The following CACNG3 variants were observed in gnomAD, a reference collection of about 807,000 sequenced individuals.
The protein encoded by CACNG3 is voltage-dependent calcium channel gamma-3 subunit.
A neutral mutation model predicts 28.5 loss-of-function variants in CACNG3; 3 were observed. The ratio of observed to expected loss-of-function variants is 0.11; its 90% CI spans 0.05 to 0.27. The LOEUF is 0.27. Ranked by LOEUF, CACNG3 falls within the 10% of genes least tolerant of loss-of-function variation. The probability of loss-of-function intolerance (pLI) is 1.00; values close to 1 mark genes in which losing one functional copy is unlikely to be tolerated. For missense variants in CACNG3, 236 were observed against 414.4 expected, an observed-to-expected ratio of 0.57 and a Z score of 3.74; for synonymous variants, 174 against 162.2, an observed-to-expected ratio of 1.07 and a Z score of -0.55.
intron 1 of CACNG3, among the ~76,000 whole-genome samples, chr16:24,286,809 A>G (rs1341946331): frequency 6.6e-6 from 1 of 152,200 alleles, no homozygotes; most frequent in East Asian, 1.9e-4. Flanking sequence ...ATTTGATTCC[A>G]GTTCTGCCTG....
intron 1 of CACNG3, among the ~76,000 whole-genome samples, chr16:24,289,155 C>G (rs1393481784): frequency 1.3e-5 from 2 of 152,072 alleles, no homozygotes; most frequent in African/African-American, 4.8e-5. Flanking sequence ...CCCAAACGAC[C>G]CAGGGCTCTG....
chr16:24,288,996 A>T (rs1349647881), intron 1 of CACNG3, among the ~76,000 whole-genome samples: 1 of 152,134 alleles, frequency 6.6e-6, no homozygotes, highest in Non-Finnish European at 1.5e-5. Context: ...CAGTTACCCA[A>T]CTGGAAGCTT....
intron 1 of CACNG3, among the ~76,000 whole-genome samples, chr16:24,334,535 T>C (rs1899675077): frequency 6.6e-6 from 1 of 152,214 alleles, no homozygotes; most frequent in South Asian, 2.1e-4. Context: ...GCTCTACTGA[T>C]ATCCTCTCCT....
At chr16:24,301,101 C>T (rs1445118462) in intron 1 of CACNG3, among the ~76,000 whole-genome samples, 1 of 149,344 alleles carries the variant, frequency 6.7e-6, no homozygotes, top group Non-Finnish European at 1.5e-5. Flanking sequence ...ATCCCAGCTA[C>T]TCGAGAGGCT....
chr16:24,286,459 A>T (rs1290595826), intron 1 of CACNG3, among the ~76,000 whole-genome samples: 5 of 151,746 alleles, frequency 3.3e-5, no homozygotes, highest in South Asian at 2.1e-4. Context: ...ATATATATAT[A>T]TTCAAAGATT....
chr16:24,264,424 C>T (rs973554595), intron 1 of CACNG3, among the ~76,000 whole-genome samples: 3 of 152,140 alleles, frequency 2.0e-5, no homozygotes, highest in African/African-American at 7.2e-5. Flanking sequence ...AAAGACTAGA[C>T]CAGAGTCAGA....
chr16:24,317,638 GAAAGAAAAGA>G lies in CACNG3; in HGVS notation c.212-29088_212-29079del, dbSNP rs762884216. ...AGAAAGAAAGAAAGACAGACAGAAAGAAAGAAAAGAAAAGAAAGAAAGAAAGAAAGAAAGA... is the reference window on the plus strand; with the variant it reads ...AGAAAGAAAGAAAGACAGACAGAAAGAAAGAAAGAAAGAAAGAAAGAAAGA... On this transcript the variant is annotated intron_variant, in intron 1 of 3. Coordinates refer to ENST00000005284, the MANE Select transcript of CACNG3 (RefSeq NM_006539.4). Among the ~76,000 whole-genome samples the G allele has an allele frequency of 1.4e-3, 72 of 51,976 alleles. 2 individuals are homozygous for G. Among genetic ancestry groups the G allele is most frequent in the African/African-American group, 3.3e-3 (37 of 11,132 alleles). The allele number at this position is 51,976 out of a possible 152,430, so 34.1% of individuals were successfully genotyped here. A position where few individuals can be genotyped will look rare whatever the true frequency, so the allele number is the denominator to read the frequency against.
At chr16:24,328,021 T>C (rs1899581173) in intron 1 of CACNG3, among the ~76,000 whole-genome samples, 1 of 152,190 alleles carries the variant, frequency 6.6e-6, no homozygotes, top group South Asian at 2.1e-4. Flanking sequence ...CACTTGTTTA[T>C]TTAACAACCT....
intron 1 of CACNG3, among the ~76,000 whole-genome samples, chr16:24,269,746 C>CAAAAAAAAAAA (rs1163565728): frequency 1.4e-5 from 1 of 71,080 alleles, no homozygotes; most frequent in Non-Finnish European, 2.9e-5. Flanking sequence ...GACTCCATCT[C>CAAAAAAAAAAA]AAAAAAAAAA....
At chr16:24,357,319 T>A (rs1395850646) in intron 3 of CACNG3, among the ~76,000 whole-genome samples, 2 of 151,632 alleles carry the variant, frequency 1.3e-5, no homozygotes, top group African/African-American at 4.8e-5. Flanking sequence ...CCTGTCTTGA[T>A]TCAATTATCT....
intron 1 of CACNG3, among the ~76,000 whole-genome samples, chr16:24,280,006 G>T (rs1020863239): frequency 4.6e-5 from 7 of 152,088 alleles, no homozygotes; most frequent in Non-Finnish European, 1.0e-4. Flanking sequence ...ATGCTTTTTT[G>T]ATCAGGAAAC....
intron 1 of CACNG3, among the ~76,000 whole-genome samples, chr16:24,299,024 G>T (rs1232886642): frequency 2.6e-5 from 4 of 152,100 alleles, no homozygotes; most frequent in Admixed American, 2.0e-4. Context: ...TGTTTGCCAG[G>T]TCTCGCCCCT....
Position 24,256,505 on chromosome 16 carries a change from G to C in CACNG3, c.-250G>C, listed in dbSNP as rs1898461882. 2.0e-6 allele frequency: 1 copy of C among 497,750 alleles called. No individual in the cohort carries two copies. The highest frequency in any genetic ancestry group is 1.9e-5 in the African/African-American group (1 of 51,914). The allele number at this position is 497,750 out of a possible 1,614,324, so 30.8% of individuals were successfully genotyped here. On this transcript the variant is annotated 5_prime_UTR_variant, in exon 1 of 4. Coordinates refer to ENST00000005284, the MANE Select transcript of CACNG3 (RefSeq NM_006539.4). This position sits in a 1 kb window ranked among gnomAD's most constrained non-coding sequence, Gnocchi z 4.6. ...AATGAAAGGAACCCAGGGACCCTCA[G>C]AAGGCAGCAGTGATGCGGACCAACC...
At chr16:24,301,469 T>C (rs1454201734) in intron 1 of CACNG3, among the ~76,000 whole-genome samples, 1 of 152,190 alleles carries the variant, frequency 6.6e-6, no homozygotes, top group Non-Finnish European at 1.5e-5. Context: ...AACTTGTCTA[T>C]GAGGCGTATG....
intron 1 of CACNG3, among the ~76,000 whole-genome samples, chr16:24,313,480 T>C (rs1282649076): frequency 6.6e-6 from 1 of 152,182 alleles, no homozygotes; most frequent in East Asian, 1.9e-4. Flanking sequence ...TTTTTATTTT[T>C]TACTTATTTA....
intron 1 of CACNG3, among the ~76,000 whole-genome samples, chr16:24,307,087 G>C (rs1043928383): frequency 2.0e-5 from 3 of 152,132 alleles, no homozygotes; most frequent in African/African-American, 7.2e-5. Context: ...GGTTCATCTA[G>C]CTTGCCTTCT....
chr16:24,306,363 G>C (rs1899185638), intron 1 of CACNG3, among the ~76,000 whole-genome samples: 3 of 152,234 alleles, frequency 2.0e-5, no homozygotes. Context: ...GGTGGCTTCA[G>C]GAGCAGAAAG....
chr16:24,305,510 T>A (rs1046372265), intron 1 of CACNG3, among the ~76,000 whole-genome samples: 4 of 151,940 alleles, frequency 2.6e-5, no homozygotes, highest in African/African-American at 9.7e-5. Flanking sequence ...CAGTTAATAT[T>A]TTTTTAAATT....
At chr16:24,290,284 G>A (rs555059029) in intron 1 of CACNG3, among the ~76,000 whole-genome samples, 1 of 152,268 alleles carries the variant, frequency 6.6e-6, no homozygotes, top group Admixed American at 6.5e-5. Flanking sequence ...TTGGACTAAG[G>A]AAGAAAACAT....
Sources: gnomAD v4.1 joint callset for allele counts (sites outside exome capture counted in the v4.1 genomes callset) on GRCh38, gnomAD v4.1.1 for gene constraint, Gnocchi (gnomAD v3.1) non-coding constraint, MANE v1.5 for transcripts, NCBI Gene and HGNC (gene_info 2026-07-23, HGNC 2026-07-21) for gene names.